The following CCDC102B variants were observed in gnomAD, a reference collection of about 807,000 sequenced individuals.
CCDC102B encodes the protein coiled-coil domain-containing protein 102B.
In CCDC102B, 75 loss-of-function variants were observed where a neutral mutation model predicts 57.4. The observed-to-expected ratio is 1.31, with a 90% CI of 1.08 to 1.58. The LOEUF is 1.58. CCDC102B is among the 40% of genes most tolerant of loss of function. CCDC102B has a pLI of 0.00. For missense variants in CCDC102B, 636 were observed against 582.6 expected (o/e 1.09, Z -0.94); for synonymous variants, 206 against 201.9 (o/e 1.02, Z -0.17).
At chr18:68,892,722 T>C (rs2040122540) in intron 5 of CCDC102B, among the ~76,000 whole-genome samples, 1 of 152,212 alleles carries the variant, frequency 6.6e-6, no homozygotes, top group South Asian at 2.1e-4. Flanking sequence ...GAGACTGATT[T>C]ATTTGGATAT....
At chr18:68,763,164 T>C (rs1395486005) in intron 2 of CCDC102B, among the ~76,000 whole-genome samples, 2 of 152,178 alleles carry the variant, frequency 1.3e-5, no homozygotes, top group Non-Finnish European at 1.5e-5. Flanking sequence ...AAAGACCTTT[T>C]TTCATGCTTA....
At chr18:68,736,005 C>A (rs1374279144) in intron 2 of CCDC102B, among the ~76,000 whole-genome samples, 1 of 152,176 alleles carries the variant, frequency 6.6e-6, no homozygotes, top group Admixed American at 6.5e-5. Flanking sequence ...CTTGAGAGAT[C>A]AACTCTTCAT....
chr18:68,994,192 T>C (rs1187872546), intron 6 of CCDC102B, among the ~76,000 whole-genome samples: 1 of 152,230 alleles, frequency 6.6e-6, no homozygotes, highest in Non-Finnish European at 1.5e-5. Flanking sequence ...ATTGCTTTGG[T>C]CACTATAAAA....
chr18:68,811,805 A>T (rs2036277013), intron 1 of CCDC102B, among the ~76,000 whole-genome samples: 1 of 152,174 alleles, frequency 6.6e-6, no homozygotes, highest in Non-Finnish European at 1.5e-5. Context: ...CGTGAAGCAC[A>T]GAGGACTGCA....
At chr18:68,765,421 A>G (rs2034436435) in intron 2 of CCDC102B, among the ~76,000 whole-genome samples, 1 of 151,302 alleles carries the variant, frequency 6.6e-6, no homozygotes, top group Admixed American at 6.6e-5. Context: ...GGAAAGAGAA[A>G]GAGAAAGGAA....
chr18:68,717,863 A>G (rs1435720379), intron 2 of CCDC102B: 1 of 152,200 alleles, frequency 6.6e-6, no homozygotes. Flanking sequence ...TTGAAACTTA[A>G]TTGCCGGTAT....
chr18:68,936,832 T>C (rs566990280), intron 6 of CCDC102B, among the ~76,000 whole-genome samples: 29 of 150,562 alleles, frequency 1.9e-4, no homozygotes, highest in South Asian at 8.3e-4. Context: ...CACATATACA[T>C]ATATACATAT....
At chr18:68,742,569 C>T (rs1476316902) in intron 2 of CCDC102B, among the ~76,000 whole-genome samples, 2 of 152,174 alleles carry the variant, frequency 1.3e-5, no homozygotes, top group East Asian at 3.8e-4. Context: ...GCAGACATAA[C>T]TTCTTGATGG....
chr18:69,042,852 T>G (rs1049797711), intron 7 of CCDC102B, among the ~76,000 whole-genome samples: 2 of 152,294 alleles, frequency 1.3e-5, no homozygotes, highest in South Asian at 2.1e-4. Context: ...TGCTGTTCCT[T>G]GAAGGGGTGG....
Position 68,962,661 on chromosome 18 carries a change from T to C in CCDC102B, c.1264-48273T>C, listed in dbSNP as rs1485339767. On this transcript the variant is annotated intron_variant, in intron 6 of 7. Transcript: ENST00000360242. Reference sequence around the variant, plus strand: ...GCAGAAAAAAAGTAAAAAAGAAAAATAGAAAATCATTATCTTCTAAGAGCT... The same window carrying C: ...GCAGAAAAAAAGTAAAAAAGAAAAACAGAAAATCATTATCTTCTAAGAGCT... Among the ~76,000 whole-genome samples the C allele has an allele frequency of 2.6e-5, 4 of 151,880 alleles. No homozygotes were observed. The East Asian group carries it at 5.8e-4, about 22-fold the overall frequency.
At chr18:68,843,616 A>AT (rs1445062250) in intron 3 of CCDC102B, among the ~76,000 whole-genome samples, 1 of 152,144 alleles carries the variant, frequency 6.6e-6, no homozygotes, top group East Asian at 1.9e-4. Flanking sequence ...TAGCAATATT[A>AT]TTTTTTAAAC....
chr18:69,025,068 A>T (rs1012664176), intron 7 of CCDC102B, among the ~76,000 whole-genome samples: 1 of 152,124 alleles, frequency 6.6e-6, no homozygotes, highest in Non-Finnish European at 1.5e-5. Flanking sequence ...AATGCTATTT[A>T]ATTATTTTTT....
intron 7 of CCDC102B, among the ~76,000 whole-genome samples, chr18:69,036,367 G>C (rs981783383): frequency 6.6e-6 from 1 of 151,990 alleles, no homozygotes; most frequent in Non-Finnish European, 1.5e-5. Context: ...TTTTACTTGA[G>C]ATCTAAATTT....
chr18:68,988,074 A>T (rs1267615590), intron 6 of CCDC102B, among the ~76,000 whole-genome samples: 1 of 152,220 alleles, frequency 6.6e-6, no homozygotes. Context: ...AAACGATTCT[A>T]TTGTAAAGAC....
rs112412174 is a variant in CCDC102B, at chr18:69,027,399, C to CAT, written c.1434+16307_1434+16308dup. On this transcript the variant is annotated intron_variant, in intron 7 of 7. Transcript: ENST00000360242. ...ACTCTCTTGATTGGCATAAGGTAAGCATATATATATATACACACACATATA... is the reference window on the plus strand; with the variant it reads ...ACTCTCTTGATTGGCATAAGGTAAGCATATATATATATATACACACACATATA... 4.1e-4 allele frequency among the ~76,000 whole-genome samples: 62 copies of CAT among 151,570 alleles called. No homozygotes were observed. The East Asian group carries it at 6.8e-3, about 17-fold the overall frequency.
intron 2 of CCDC102B, among the ~76,000 whole-genome samples, chr18:68,733,949 C>T (rs557601677): frequency 5.3e-5 from 8 of 152,244 alleles, no homozygotes; most frequent in South Asian, 2.1e-4. Flanking sequence ...ATGTTGGCTG[C>T]GTTTCTGCGT....
chr18:68,837,666 T>C (rs985285512), intron 2 of CCDC102B, among the ~76,000 whole-genome samples: 7 of 152,156 alleles, frequency 4.6e-5, no homozygotes, highest in African/African-American at 1.4e-4. Context: ...TACACATGTC[T>C]GTGTCTTAAG....
At position 68,976,709 on chromosome 18, in the gene CCDC102B, C is replaced by A. The variant is rs1329302909; in HGVS notation, c.1264-34225C>A. 2.0e-5 allele frequency among the ~76,000 whole-genome samples: 3 copies of A among 151,968 alleles called. No individual in the cohort carries two copies. The East Asian group carries it at 5.8e-4, about 29-fold the overall frequency. Reference sequence around the variant, plus strand: ...ATTTAAACCCATCATATGTCTATTTCTCTCATGTTACCACTTTGTCTTAAA... The same window carrying A: ...ATTTAAACCCATCATATGTCTATTTATCTCATGTTACCACTTTGTCTTAAA... On this transcript the variant is annotated intron_variant, in intron 6 of 7. Coordinates refer to ENST00000360242, the MANE Select transcript of CCDC102B (RefSeq NM_024781.3).
upstream of CCDC102B, among the ~76,000 whole-genome samples, chr18:68,793,219 T>G (rs562767643): frequency 2.3e-4 from 35 of 152,326 alleles, no homozygotes; most frequent in African/African-American, 7.7e-4. Context: ...AATTTTCAGT[T>G]GCTGACATTG....
Sources: gnomAD v4.1 joint callset for allele counts (sites outside exome capture counted in the v4.1 genomes callset) on GRCh38, gnomAD v4.1.1 for gene constraint, MANE v1.5 for transcripts, NCBI Gene and HGNC (gene_info 2026-07-23, HGNC 2026-07-21) for gene names.